Variants in WDR70 observed in about 807,000 individuals in gnomAD.
WDR70 encodes WD repeat-containing protein 70.
In WDR70, 53 loss-of-function variants were observed where a neutral mutation model predicts 88.6. That is an observed-to-expected ratio of 0.60 (90% CI 0.48 to 0.75). The LOEUF (loss-of-function observed/expected upper bound fraction) is 0.75. Among genes scored for constraint, WDR70 ranks in the 30% least tolerant of loss-of-function variants. The pLI, the probability that WDR70 is intolerant of heterozygous loss-of-function variation, is 0.00. For missense variants in WDR70, 610 were observed against 823.2 expected (o/e 0.74, Z 3.17); for synonymous variants, 280 against 270.0 (o/e 1.04, Z -0.36).
intron 10 of WDR70, among the ~76,000 whole-genome samples, chr5:37,661,909 A>G (rs1745708869): frequency 6.6e-6 from 1 of 152,160 alleles, no homozygotes; most frequent in Non-Finnish European, 1.5e-5. Context: ...TGACCCTTAA[A>G]CTGTAATTTC....
intron 5 of WDR70, among the ~76,000 whole-genome samples, chr5:37,437,465 T>A (rs73749034): frequency 0.016 from 2,393 of 152,252 alleles, 56 homozygotes; most frequent in African/African-American, 0.055. Flanking sequence ...ATACATAGGT[T>A]ACAATATGCT....
intron 5 of WDR70, among the ~76,000 whole-genome samples, chr5:37,425,947 T>C (rs972748694): frequency 6.6e-6 from 1 of 152,176 alleles, no homozygotes; most frequent in African/African-American, 2.4e-5. Flanking sequence ...TTGAGGTATT[T>C]CTGAGACATC....
At chr5:37,666,990 C>T (rs59409868) in intron 10 of WDR70, among the ~76,000 whole-genome samples, 42,326 of 151,982 alleles carry the variant, frequency 0.28, 6,768 homozygotes, top group Admixed American at 0.36. Flanking sequence ...GTGTCCAATA[C>T]ATGTTTTTGC....
intron 3 of WDR70, among the ~76,000 whole-genome samples, chr5:37,389,402 A>T (rs1279187671): frequency 1.3e-5 from 2 of 150,752 alleles, no homozygotes; most frequent in Non-Finnish European, 3.0e-5. Context: ...CTTCAGGCCC[A>T]TTCTTTTTTA....
intron 9 of WDR70, among the ~76,000 whole-genome samples, chr5:37,599,787 A>AG (rs1175603395): frequency 6.6e-6 from 1 of 151,950 alleles, no homozygotes; most frequent in Non-Finnish European, 1.5e-5. Flanking sequence ...TAGCTACTCA[A>AG]GGGGCTGACA....
intron 9 of WDR70, among the ~76,000 whole-genome samples, chr5:37,525,708 G>T (rs535651932): frequency 6.6e-6 from 1 of 152,210 alleles, no homozygotes; most frequent in Non-Finnish European, 1.5e-5. Context: ...TTTTTGAAAA[G>T]ATCAATAAAA....
At chr5:37,427,456 A>T (rs1444571699) in intron 5 of WDR70, among the ~76,000 whole-genome samples, 2 of 152,182 alleles carry the variant, frequency 1.3e-5, no homozygotes, top group African/African-American at 4.8e-5. Flanking sequence ...GCACACATAG[A>T]CGTGTATATG....
chr5:37,711,358 C>G (rs1747506560), intron 13 of WDR70, among the ~76,000 whole-genome samples: 2 of 152,176 alleles, frequency 1.3e-5, no homozygotes, highest in Non-Finnish European at 2.9e-5. Context: ...ACGTAACTCT[C>G]CTGTATAAAA....
chr5:37,460,729 C>G (rs4585479), intron 7 of WDR70, among the ~76,000 whole-genome samples: 1 of 147,660 alleles, frequency 6.8e-6, no homozygotes, highest in Non-Finnish European at 1.5e-5. Context: ...AAAATAAAAA[C>G]AAAAAGAAAA....
chr5:37,487,623 ATGTATTT>A (rs1189429670), intron 8 of WDR70, among the ~76,000 whole-genome samples: 1,665 of 18,398 alleles, frequency 0.09, 24 homozygotes, highest in Non-Finnish European at 0.2. Flanking sequence ...ATATATATAT[ATGTATTT>A]TTTTTTTTTT....
intron 13 of WDR70, among the ~76,000 whole-genome samples, chr5:37,716,401 T>A (rs957032357): frequency 3.6e-4 from 55 of 152,314 alleles, no homozygotes; most frequent in African/African-American, 1.3e-3. Context: ...AACTCCTTTT[T>A]AATACAAACT....
chr5:37,640,446 T>C (rs868326005), intron 10 of WDR70, among the ~76,000 whole-genome samples: 7 of 152,330 alleles, frequency 4.6e-5, no homozygotes, highest in African/African-American at 1.7e-4. Context: ...TAGGCTATAT[T>C]GTGTGTGGTT....
chr5:37,515,794 G>T (rs1740870362), intron 8 of WDR70, among the ~76,000 whole-genome samples: 1 of 152,162 alleles, frequency 6.6e-6, no homozygotes, highest in Non-Finnish European at 1.5e-5. Context: ...CTGACTTGCT[G>T]TATGAGACCA....
intron 7 of WDR70, among the ~76,000 whole-genome samples, 163 bp from the exon 8 acceptor site, chr5:37,479,671 G>A (rs933853536): frequency 1.3e-5 from 2 of 152,228 alleles, no homozygotes; most frequent in South Asian, 2.1e-4. Context: ...TTGCCCAGCC[G>A]CTAGTGGGTA....
intron 10 of WDR70, among the ~76,000 whole-genome samples, chr5:37,678,375 G>A (rs970601204): frequency 2.6e-5 from 4 of 152,168 alleles, no homozygotes; most frequent in African/African-American, 9.7e-5. Context: ...GGTACCAGTT[G>A]TTCTTTTCCA....
chr5:37,504,359 C>A (rs568622776), intron 8 of WDR70, among the ~76,000 whole-genome samples: 2 of 151,414 alleles, frequency 1.3e-5, no homozygotes, highest in East Asian at 4.3e-4. Context: ...CCCTTTTCAA[C>A]GCTTTATATC....
chr5:37,649,772 C>T (rs1445530469), intron 10 of WDR70, among the ~76,000 whole-genome samples: 6 of 101,260 alleles, frequency 5.9e-5, no homozygotes, highest in Non-Finnish European at 1.0e-4. Context: ...GAGTCTCGCT[C>T]TGTCGCCCAG....
intron 10 of WDR70, among the ~76,000 whole-genome samples, chr5:37,652,614 A>G (rs1745440735): frequency 1.3e-5 from 2 of 152,000 alleles, no homozygotes; most frequent in South Asian, 2.1e-4. Flanking sequence ...CTCTTATTTC[A>G]TTGAGCAGTG....
intron 7 of WDR70, among the ~76,000 whole-genome samples, chr5:37,448,613 C>A (rs1402034605): frequency 6.6e-6 from 1 of 152,072 alleles, no homozygotes; most frequent in Admixed American, 6.5e-5. Context: ...AAAGATAGTA[C>A]AGAGTTTATG....
Sources: gnomAD v4.1 joint callset for allele counts (sites outside exome capture counted in the v4.1 genomes callset) on GRCh38, gnomAD v4.1.1 for gene constraint, MANE v1.5 for transcripts, NCBI Gene and HGNC (gene_info 2026-07-23, HGNC 2026-07-21) for gene names.